Variants in NOX3 observed in about 807,000 individuals in gnomAD.
NOX3 encodes NADPH oxidase catalytic subunit-like 3.
A neutral mutation model predicts 76.7 loss-of-function variants in NOX3; 74 were observed. That is an observed-to-expected ratio of 0.96 (90% CI 0.80 to 1.17). The LOEUF (loss-of-function observed/expected upper bound fraction) is 1.17. Ranked by LOEUF, NOX3 falls within the 50% of genes most tolerant of loss-of-function variation. The pLI, the probability that NOX3 is intolerant of heterozygous loss-of-function variation, is 0.00. For synonymous variants in NOX3, 263 were observed against 261.1 expected (o/e 1.01, Z -0.07); for missense variants, 695 against 703.3 (o/e 0.99, Z 0.13).
chr6:155,396,960 C>G lies in NOX3; in HGVS notation c.1583G>C (p.Ser528Thr). 6.2e-7 allele frequency: 1 copy of G among 1,606,502 alleles called. No individual in the cohort carries two copies. Among genetic ancestry groups the G allele is most frequent in the East Asian group, 2.2e-5 (1 of 44,730 alleles). Residue 528 changes from serine to threonine, a missense_variant and splice_region_variant, in exon 13 of 14, where the codon AGC becomes ACC. Coordinates refer to ENST00000159060, the MANE Select transcript of NOX3 (RefSeq NM_015718.3). ...TCCACAGAAGAACACGCCAATACTGCTGCTGCAGTAGGGGTAAGAAAAGGA... is the reference window on the plus strand; with the variant it reads ...TCCACAGAAGAACACGCCAATACTGGTGCTGCAGTAGGGGTAAGAAAAGGA... ...FKQIAYNHPS[S>T]SIGVFFCGPK...
chr6:155,413,968 T>C (rs906045326), intron 10 of NOX3, among the ~76,000 whole-genome samples: 4 of 152,250 alleles, frequency 2.6e-5, no homozygotes, highest in Admixed American at 1.3e-4. Context: ...TGAAACTTTA[T>C]CTTTTCAAAT....
intron 8 of NOX3, among the ~76,000 whole-genome samples, chr6:155,429,552 T>C (rs1346984943): frequency 1.3e-5 from 2 of 152,218 alleles, no homozygotes. Context: ...CTTCAAACTC[T>C]TTTCTTGTTT....
chr6:155,455,785 TCCAGCACC>T lies in NOX3; in HGVS notation c.8_15del (p.Gly3AspfsTer4), dbSNP rs1777206868. On this transcript the variant is annotated frameshift_variant, in exon 1 of 14. Transcript: ENST00000159060. LOFTEE classifies it high-confidence loss of function. ...ATGGTGGAGAGACCCTCATTCAAAA[TCCAGCACC>T]CCATCATGATACTTGTTGCTCTTCG... 6.2e-7 allele frequency: 1 copy of T among 1,613,864 alleles called. No individual in the cohort carries two copies. The highest frequency in any genetic ancestry group is 8.5e-7 in the Non-Finnish European group (1 of 1,179,844).
At chr6:155,404,206 T>C (rs1462571867) in intron 12 of NOX3, among the ~76,000 whole-genome samples, 1 of 152,068 alleles carries the variant, frequency 6.6e-6, no homozygotes, top group Non-Finnish European at 1.5e-5. Flanking sequence ...ATTTTGTTAG[T>C]TTCTACCTAC....
intron 1 of NOX3, 65 bp from the exon 2 acceptor site, chr6:155,455,194 C>G (rs1342669712): frequency 1.0e-6 from 1 of 995,252 alleles, no homozygotes; most frequent in African/African-American, 1.6e-5. Flanking sequence ...TTCAAAATCA[C>G]TTGGGGTTCT....
At position 155,422,692 on chromosome 6, in the gene NOX3, A is replaced by G; in HGVS notation, c.1308+2T>C. ...AAGGGTGAACTAATGATTTTTCCGT[A>G]CCTTGCTCAGCTTCAGTGGGGTCTG... On this transcript the variant is annotated splice_donor_variant, in intron 10 of 13. Coordinates refer to ENST00000159060, the MANE Select transcript of NOX3 (RefSeq NM_015718.3). LOFTEE classifies it high-confidence loss of function. 6.2e-7 allele frequency: 1 copy of G among 1,613,666 alleles called. No homozygotes were observed. The highest frequency in any genetic ancestry group is 8.5e-7 in the Non-Finnish European group (1 of 1,179,708).
chr6:155,411,403 A>G (rs1437081562), intron 10 of NOX3, 43 bp from the exon 11 acceptor site: 7 of 1,552,814 alleles, frequency 4.5e-6, no homozygotes, highest in Non-Finnish European at 6.1e-6. Flanking sequence ...TTCTCTTTTC[A>G]TATGTGCTGA....
chr6:155,453,533 T>C, intron 3 of NOX3, 45 bp from the exon 4 acceptor site: 1 of 1,411,190 alleles, frequency 7.1e-7, no homozygotes, highest in Non-Finnish European at 1.0e-6. Flanking sequence ...AAAATTGCAG[T>C]GAAAACAATC....
rs565282915 is a variant in NOX3, at chr6:155,426,888, C to T, written c.1145+1906G>A. Among the ~76,000 whole-genome samples the T allele has an allele frequency of 3.9e-5, 6 of 152,034 alleles. No individual in the cohort carries two copies. In the South Asian group the frequency reaches 8.3e-4, roughly 21 times the overall value. On this transcript the variant is annotated intron_variant, in intron 9 of 13. Transcript: ENST00000159060. Reference sequence around the variant, plus strand: ...TTGATAGAACAGATAAGTGTATACACACAGGGCAGAAGCCAGTTAGCAAAA... The same window carrying T: ...TTGATAGAACAGATAAGTGTATACATACAGGGCAGAAGCCAGTTAGCAAAA...
chr6:155,409,459 A>T (rs1776512745), intron 11 of NOX3, among the ~76,000 whole-genome samples: 1 of 152,142 alleles, frequency 6.6e-6, no homozygotes, highest in Non-Finnish European at 1.5e-5. Flanking sequence ...TTCCCTACTT[A>T]CACTTGTGGT....
chr6:155,430,765 G>T (rs1776821000), intron 8 of NOX3, 78 bp downstream of exon 8: 2 of 839,542 alleles, frequency 2.4e-6, no homozygotes, highest in African/African-American at 1.7e-5. Context: ...AATAAAAATG[G>T]CAAATTAAAA....
rs201984863 is a variant in NOX3 at position 155,407,298 on chromosome 6, AT to A, written c.1456-45del. On this transcript the variant is annotated intron_variant, in intron 11 of 13. Transcript: ENST00000159060. ...ATTAGATGACATTTAGAAAAAAAAAATAAGACTTCTATAAATAAAGAATAAA... is the reference window on the plus strand; with the variant it reads ...ATTAGATGACATTTAGAAAAAAAAAAAAGACTTCTATAAATAAAGAATAAA... 44 of 1,529,722 alleles carry A rather than the reference AT, an allele frequency of 2.9e-5. No individual in the cohort carries two copies. In the African/African-American group the frequency reaches 5.2e-4, roughly 18 times the overall value. 94.8% of individuals were successfully genotyped at this position (1,529,722 alleles called of 1,614,324 possible).
Position 155,428,878 on chromosome 6 carries a change from CG to C in NOX3, c.1060del (p.Arg354GlyfsTer40), listed in dbSNP as rs1776793492. On this transcript the variant is annotated frameshift_variant, in exon 9 of 14. Transcript: ENST00000159060. LOFTEE classifies it high-confidence loss of function. ...CGCTGCTGTCCAGTCTCCTGCTGCCCGGATGTGCACGCTGAAAAAGTCCTCC... is the reference window on the plus strand; with the variant it reads ...CGCTGCTGTCCAGTCTCCTGCTGCCCGATGTGCACGCTGAAAAAGTCCTCC... ...PQEDFFSVHI[R>X]AAGDWTAALL... 5 of 1,612,712 alleles carry C rather than the reference CG, an allele frequency of 3.1e-6. No homozygotes were observed. Among genetic ancestry groups the C allele is most frequent in the Admixed American group, 3.3e-5 (2 of 59,924 alleles).
At chr6:155,442,039 C>T (rs34119039) in intron 5 of NOX3, among the ~76,000 whole-genome samples, 7,558 of 152,160 alleles carry the variant, frequency 0.05, 274 homozygotes, top group Non-Finnish European at 0.074. Context: ...CCGAGGTGGG[C>T]GGATCACGAG....
chr6:155,413,569 G>T (rs181323182), intron 10 of NOX3, among the ~76,000 whole-genome samples: 5 of 152,232 alleles, frequency 3.3e-5, no homozygotes, highest in Middle Eastern at 3.4e-3. Context: ...ATTCGAGGTT[G>T]GTGATGAATA....
In NOX3 at chr6:155,407,440, T is replaced by C. The variant is rs1161704645; in HGVS notation, c.1456-186A>G. Among the ~76,000 whole-genome samples the C allele has an allele frequency of 1.3e-5, 2 of 152,266 alleles. 1 individual carries two copies. Among genetic ancestry groups the C allele is most frequent in the South Asian group, 4.1e-4 (2 of 4,832 alleles). On this transcript the variant is annotated intron_variant, in intron 11 of 13. Coordinates refer to ENST00000159060, the MANE Select transcript of NOX3 (RefSeq NM_015718.3). Reference sequence around the variant, plus strand: ...TAGGGCAAGCATCATATCTCATTTATGTCTGAATCAGGCCTTGTTGGAACC... The same window carrying C: ...TAGGGCAAGCATCATATCTCATTTACGTCTGAATCAGGCCTTGTTGGAACC...
intron 1 of NOX3, among the ~76,000 whole-genome samples, chr6:155,455,505 A>C (rs956875474): frequency 1.3e-5 from 2 of 152,216 alleles, no homozygotes; most frequent in Non-Finnish European, 2.9e-5. Flanking sequence ...TTAGAGAAAC[A>C]CTCATACATT....
chr6:155,445,665 T>G (rs1276553604), intron 4 of NOX3, among the ~76,000 whole-genome samples: 1 of 151,966 alleles, frequency 6.6e-6, no homozygotes, highest in South Asian at 2.1e-4. Flanking sequence ...TTGCAGTATC[T>G]ATTTATCCCT....
At chr6:155,434,280 C>T (rs551653141) in intron 7 of NOX3, among the ~76,000 whole-genome samples, 1 of 152,308 alleles carries the variant, frequency 6.6e-6, no homozygotes, top group Non-Finnish European at 1.5e-5. Context: ...AAAGTGTCAG[C>T]CTTATGGTTA....
Sources: allele counts gnomAD v4.1 joint callset (sites outside exome capture counted in the v4.1 genomes callset), GRCh38; gene constraint gnomAD v4.1.1; transcripts MANE v1.5; gene names NCBI Gene and HGNC (gene_info 2026-07-23, HGNC 2026-07-21).